The following CAPN6 variants were observed in gnomAD, a reference collection of about 807,000 sequenced individuals.
The protein encoded by CAPN6 is calpain 6.
CAPN6 carries 16 observed loss-of-function variants against 46.0 expected under a neutral mutation model. The observed-to-expected ratio is 0.35, with a 90% CI of 0.24 to 0.53. CAPN6 has a LOEUF of 0.53. Ranked by LOEUF, CAPN6 falls within the 20% of genes least tolerant of loss-of-function variation. The pLI, the probability that CAPN6 is intolerant of heterozygous loss-of-function variation, is 0.94. For synonymous variants in CAPN6, 206 were observed against 172.8 expected, an observed-to-expected ratio of 1.19 and a Z score of -1.51; for missense variants, 461 against 498.0, an observed-to-expected ratio of 0.93 and a Z score of 0.71.
rs775337373 is a variant in CAPN6, at chrX:111,246,727, G to T, written c.1776C>A (p.Phe592Leu). Reference sequence around the variant, plus strand: ...CAGCATCCAGAGTAACCTGCCCCAAGAACTGATCACAGAATTTTCGGCTGT... The same window carrying T: ...CAGCATCCAGAGTAACCTGCCCCAATAACTGATCACAGAATTTTCGGCTGT... ...VWNSRKFCDQ[F>L]LGQVTLDADP... Residue 592 changes from phenylalanine (F) to leucine (L), a missense_variant, in exon 13 of 13, where the codon TTC becomes TTA. Phe to Leu is a conservative substitution (Grantham distance 22). Coordinates refer to ENST00000324068, the MANE Select transcript of CAPN6 (RefSeq NM_014289.4). 2 of 1,210,103 alleles carry T rather than the reference G, an allele frequency of 1.7e-6. No individual in the cohort carries two copies. The highest frequency in any genetic ancestry group is 3.5e-5 in the South Asian group (2 of 56,473).
Position 111,270,358 on chromosome X carries a change from C to CCT in CAPN6, c.-16+11_-16+12dup. ...AACTCCAGGGTAAGTTTGCGAATTC[C>CCT]CTCTCTACTCACCTGAGTTATCCCA... is the stretch of plus-strand genomic sequence containing the variant. On this transcript the variant is annotated intron_variant, in intron 1 of 12. Coordinates refer to ENST00000324068, the MANE Select transcript of CAPN6 (RefSeq NM_014289.4). 3.1e-6 allele frequency: 1 copy of CCT among 325,598 alleles called. No individual in the cohort carries two copies. 26.8% of individuals were successfully genotyped at this position (325,598 alleles called of 1,213,427 possible). A position where few individuals can be genotyped will look rare whatever the true frequency, so the allele number is the denominator to read the frequency against.
In CAPN6 at chrX:111,251,735, T is replaced by C; in HGVS notation, c.707A>G (p.Asn236Ser). ...GLICCSIESPNQEEQEVETDW... is the reference protein window; with the variant it reads ...GLICCSIESPSQEEQEVETDW... ...AGTTTCAACTTCTTGCTCCTCCTGA[T>C]TGGGAGACTGAGAGCAAAGAAAGAT... The change falls in exon 6 of 13, where the codon AAT (asparagine) becomes AGT (serine). Residue 236 changes from asparagine (N) to serine (S), a missense_variant. By Grantham distance (46) the Asn-to-Ser change is conservative. Transcript: ENST00000324068. 2 of 1,203,588 alleles carry C rather than the reference T, an allele frequency of 1.7e-6. No homozygotes were observed. Among genetic ancestry groups the C allele is most frequent in the East Asian group, 3.0e-5 (1 of 33,731 alleles).
chrX:111,250,069 G>A (rs2094977850), intron 8 of CAPN6, among the ~76,000 whole-genome samples: 1 of 110,961 alleles, frequency 9.0e-6, no homozygotes, highest in African/African-American at 3.3e-5. Flanking sequence ...TGTGGGGGGA[G>A]ATAGGATATT....
chrX:111,250,190 G>A (rs986712403), intron 8 of CAPN6, among the ~76,000 whole-genome samples: 1 of 111,591 alleles, frequency 9.0e-6, no homozygotes, highest in Non-Finnish European at 1.9e-5. Context: ...TCCATGAAAA[G>A]AAAAGACGCA....
intron 2 of CAPN6, among the ~76,000 whole-genome samples, chrX:111,261,420 G>T (rs1165861404): frequency 8.9e-6 from 1 of 112,425 alleles, no homozygotes; most frequent in Non-Finnish European, 1.9e-5. Flanking sequence ...GTAAATAAGG[G>T]TGAAGTAAAA....
At chrX:111,248,824 T>C (rs2094976770) in intron 9 of CAPN6, 53 bp from the exon 10 acceptor site, 8 of 1,187,898 alleles carry the variant, frequency 6.7e-6, no homozygotes, top group South Asian at 5.3e-5. Flanking sequence ...ATGGTTTTTG[T>C]ATGCTCTGTC....
chrX:111,246,297 A>ATG lies in CAPN6; in HGVS notation c.*279_*280insCA. On this transcript the variant is annotated 3_prime_UTR_variant, in exon 13 of 13. Transcript: ENST00000324068. ...CAGCCTCTTGTTATTGTCCTACTTG[A>ATG]ATCTCACCCCCGGAAGCCCCAGAGA... 1 of 322,652 alleles carries ATG rather than the reference A, an allele frequency of 3.1e-6. No homozygotes were observed. 26.6% of individuals were successfully genotyped at this position (322,652 alleles called of 1,213,427 possible). A position where few individuals can be genotyped will look rare whatever the true frequency, so the allele number is the denominator to read the frequency against.
intron 2 of CAPN6, among the ~76,000 whole-genome samples, chrX:111,254,624 T>G (rs1314603281): frequency 9.0e-6 from 1 of 110,644 alleles, no homozygotes; most frequent in African/African-American, 3.3e-5. Context: ...GCAGGAGAAA[T>G]GAAAGGAGAG....
intron 2 of CAPN6, among the ~76,000 whole-genome samples, chrX:111,256,975 G>A (rs1166082727): frequency 1.8e-5 from 2 of 109,482 alleles, no homozygotes; most frequent in African/African-American, 3.3e-5. Context: ...GTCATAGAAT[G>A]TCAAAACTGG....
chrX:111,249,302 T>A lies in CAPN6; in HGVS notation c.1159-245A>T, dbSNP rs776496436. ...GGACAACCTTATTCTTAGCCTTTGA[T>A]GCCAAAGAGGATATGCTTTGTTCTA... On this transcript the variant is annotated intron_variant, in intron 8 of 12. Coordinates refer to ENST00000324068, the MANE Select transcript of CAPN6 (RefSeq NM_014289.4). Among the ~76,000 whole-genome samples the A allele has an allele frequency of 9.8e-5, 11 of 112,213 alleles. No homozygotes were observed. In the South Asian group the frequency reaches 3.8e-3, roughly 39 times the overall value.
chrX:111,257,813 G>A (rs1434035662), intron 2 of CAPN6, among the ~76,000 whole-genome samples: 1 of 111,509 alleles, frequency 9.0e-6, no homozygotes, highest in Admixed American at 9.5e-5. Flanking sequence ...CATTTGGGTG[G>A]CTTAGGAGCA....
intron 2 of CAPN6, among the ~76,000 whole-genome samples, chrX:111,257,439 G>C (rs1322135250): frequency 8.9e-6 from 1 of 112,111 alleles, no homozygotes; most frequent in African/African-American, 3.2e-5. Flanking sequence ...ATCGTGATAT[G>C]AAATACGGGA....
chrX:111,254,258 A>T lies in CAPN6; in HGVS notation c.297+14T>A, dbSNP rs1255765392. ...AAGTGGAAACTGAATGAGGTCCCAC[A>T]GGAGGGATAATACCTTTGTCCAATG... On this transcript the variant is annotated intron_variant, in intron 3 of 12. Coordinates refer to ENST00000324068, the MANE Select transcript of CAPN6 (RefSeq NM_014289.4). 8.5e-7 allele frequency: 1 copy of T among 1,182,996 alleles called. No homozygotes were observed. The highest frequency in any genetic ancestry group is 1.1e-6 in the Non-Finnish European group (1 of 878,379).
In CAPN6 at chrX:111,254,389, G is replaced by T. The variant is rs1476974475; in HGVS notation, c.180C>A (p.Asp60Glu). ...TAATGTTGCCCACAATCAGATGGGGGTCATCACAGATGTCCTATGAATACA... is the reference window on the plus strand; with the variant it reads ...TAATGTTGCCCACAATCAGATGGGGTTCATCACAGATGTCCTATGAATACA... The part of the protein sequence containing the change: ...VWKRPQDICD[D>E]PHLIVGNISN... The change falls in exon 3 of 13, where the codon GAC becomes GAA. Residue 60 changes from aspartate (D) to glutamate (E), a missense_variant. By Grantham distance (45) the Asp-to-Glu change is conservative. Transcript: ENST00000324068. 2 of 1,203,374 alleles carry T rather than the reference G, an allele frequency of 1.7e-6. No homozygotes were observed. The highest frequency in any genetic ancestry group is 2.2e-6 in the Non-Finnish European group (2 of 889,861).
At chrX:111,254,544 A>G in intron 2 of CAPN6, 141 bp from the exon 3 acceptor site, 1 of 429,653 alleles carries the variant, frequency 2.3e-6, no homozygotes, top group Admixed American at 3.9e-5. Flanking sequence ...AGATGGGATG[A>G]AGGGAAGGCT....
rs760960972 is a variant in CAPN6, at chrX:111,249,099, AT to A, written c.1159-43del. 11 of 1,183,898 alleles carry A rather than the reference AT, an allele frequency of 9.3e-6. No individual in the cohort carries two copies. In the African/African-American group the frequency reaches 1.2e-4, roughly 13 times the overall value. On this transcript the variant is annotated intron_variant, in intron 8 of 12. Transcript: ENST00000324068. ...ACCACAGAGGTGAGTTAGCATTCCC[AT>A]TTCATATGAACGAGCTTAAATTTCA...
chrX:111,259,267 C>T (rs1171365346), intron 2 of CAPN6, among the ~76,000 whole-genome samples: 1 of 112,551 alleles, frequency 8.9e-6, no homozygotes, highest in Non-Finnish European at 1.9e-5. Context: ...GGAGAAAAGA[C>T]TATGGGCCTA....
intron 10 of CAPN6, 130 bp from the exon 11 acceptor site, chrX:111,248,122 T>A (rs901266903): frequency 1.7e-6 from 1 of 600,278 alleles, no homozygotes; most frequent in Admixed American, 2.9e-5. Flanking sequence ...TCCTCAGATA[T>A]GTCTTATATA....
intron 2 of CAPN6, among the ~76,000 whole-genome samples, 174 bp downstream of exon 2, chrX:111,263,598 C>A (rs1323949678): frequency 9.1e-6 from 1 of 109,607 alleles, no homozygotes; most frequent in Non-Finnish European, 1.9e-5. Flanking sequence ...CCATAACATA[C>A]ACAATTTTTA....
Sources: allele counts gnomAD v4.1 joint callset (sites outside exome capture counted in the v4.1 genomes callset), GRCh38; gene constraint gnomAD v4.1.1; transcripts MANE v1.5; gene names NCBI Gene and HGNC (gene_info 2026-07-23, HGNC 2026-07-21).